The following SLC24A2 variants were observed in gnomAD, a reference collection of about 807,000 sequenced individuals.
The protein encoded by SLC24A2 is solute carrier family 24 member 2.
In SLC24A2, 36 loss-of-function variants were observed where a neutral mutation model predicts 62.0. That is an observed-to-expected ratio of 0.58 (90% CI 0.44 to 0.77). The LOEUF (loss-of-function observed/expected upper bound fraction) is 0.77, where lower values mean the gene tolerates loss of function less well. Among genes scored for constraint, SLC24A2 ranks in the 30% least tolerant of loss-of-function variants. The probability of loss-of-function intolerance (pLI) is 0.00; values close to 1 mark genes in which losing one functional copy is unlikely to be tolerated. For missense variants in SLC24A2, 846 were observed against 817.9 expected (o/e 1.03, Z -0.42); for synonymous variants, 358 against 294.0 (o/e 1.22, Z -2.23).
At chr9:19,518,197 A>G (rs1362327071) in intron 10 of SLC24A2, among the ~76,000 whole-genome samples, 1 of 152,228 alleles carries the variant, frequency 6.6e-6, no homozygotes, top group East Asian at 1.9e-4. Context: ...AACTAGTTAA[A>G]TAGTAAATAA....
At chr9:19,788,661 C>T (rs1823250980) in intron 1 of SLC24A2, 1 of 985,090 alleles carries the variant, frequency 1.0e-6, no homozygotes, top group African/African-American at 1.7e-5. Context: ...TGCCCCACGC[C>T]CCCCATCCCA....
the SLC24A2 span, among the ~76,000 whole-genome samples, chr9:19,980,842 G>A: frequency 6.6e-6 from 1 of 152,272 alleles, no homozygotes; most frequent in South Asian, 2.1e-4. Context: ...CATGTCATAA[G>A]TGCTTAACTA....
chr9:19,901,661 A>C, the SLC24A2 span, among the ~76,000 whole-genome samples: 3 of 152,202 alleles, frequency 2.0e-5, no homozygotes, highest in East Asian at 5.8e-4. Context: ...GTGGAGACTT[A>C]ATATTGTAGT....
At chr9:19,909,289 A>G in the SLC24A2 span, among the ~76,000 whole-genome samples, 2 of 152,018 alleles carry the variant, frequency 1.3e-5, no homozygotes, top group African/African-American at 4.8e-5. Flanking sequence ...CAATGAGAAC[A>G]CATGGACACA....
At chr9:19,726,997 A>G (rs1357809676) in intron 2 of SLC24A2, among the ~76,000 whole-genome samples, 1 of 152,210 alleles carries the variant, frequency 6.6e-6, no homozygotes, top group Non-Finnish European at 1.5e-5. Flanking sequence ...TGTGAAGTCA[A>G]TCCCAGATTT....
chr9:20,101,376 T>A, the SLC24A2 span, among the ~76,000 whole-genome samples: 1 of 152,368 alleles, frequency 6.6e-6, no homozygotes, highest in Non-Finnish European at 1.5e-5. Flanking sequence ...CATGAGAAGC[T>A]GCCATGAAAA....
chr9:19,977,757 A>G, the SLC24A2 span, among the ~76,000 whole-genome samples: 2 of 152,206 alleles, frequency 1.3e-5, no homozygotes, highest in African/African-American at 4.8e-5. Context: ...TGAGGGGTGC[A>G]TTTGAAGGTA....
At position 19,513,497 on chromosome 9, in the gene SLC24A2, G is replaced by C. The variant is rs1039252865; in HGVS notation, c.*2656C>G. The stretch of plus-strand genomic sequence containing the variant: ...ATGACTGATGTGGGAACGGGGCTTG[G>C]AAATTTTGTCTTCTCAAATGCAACT... On this transcript the variant is annotated 3_prime_UTR_variant, in exon 11 of 11. Transcript: ENST00000341998. 6.6e-6 allele frequency: 1 copy of C among 152,052 alleles called. No homozygotes were observed. The highest frequency in any genetic ancestry group is 2.4e-5 in the African/African-American group (1 of 41,390). The allele number at this position is 152,052 out of a possible 1,614,324, so 9.4% of individuals were successfully genotyped here. A position where few individuals can be genotyped will look rare whatever the true frequency, so the allele number is the denominator to read the frequency against.
chr9:19,742,003 A>T (rs929349162), intron 2 of SLC24A2, among the ~76,000 whole-genome samples: 6 of 152,214 alleles, frequency 3.9e-5, no homozygotes, highest in African/African-American at 1.2e-4. Flanking sequence ...GACAAAGTAT[A>T]TCTGAGCATA....
At chr9:19,656,403 C>G (rs1818943135) in intron 2 of SLC24A2, among the ~76,000 whole-genome samples, 1 of 152,146 alleles carries the variant, frequency 6.6e-6, no homozygotes, top group African/African-American at 2.4e-5. Flanking sequence ...CTTCAAAACT[C>G]TAGTATTATT....
intron 5 of SLC24A2, among the ~76,000 whole-genome samples, chr9:19,584,298 CAAAAA>C (rs1836300095): frequency 7.7e-6 from 1 of 130,296 alleles, no homozygotes. Flanking sequence ...AAAAAACAAA[CAAAAA>C]ACAAAACAAA....
At chr9:20,141,804 C>A in the SLC24A2 span, among the ~76,000 whole-genome samples, 1 of 152,098 alleles carries the variant, frequency 6.6e-6, no homozygotes, top group Non-Finnish European at 1.5e-5. Flanking sequence ...TTTAAAAAGG[C>A]GGGCCACGGT....
the SLC24A2 span, among the ~76,000 whole-genome samples, chr9:20,003,849 A>G: frequency 5.6e-4 from 85 of 152,216 alleles, 1 homozygote; most frequent in African/African-American, 2.0e-3. Flanking sequence ...ACTATCATTT[A>G]AATGGTGATT....
intron 7 of SLC24A2, among the ~76,000 whole-genome samples, chr9:19,559,962 G>A (rs775835047): frequency 1.3e-4 from 20 of 152,166 alleles, no homozygotes; most frequent in Non-Finnish European, 2.2e-4. Flanking sequence ...TGGTCTCACC[G>A]ACCCAAACAC....
chr9:19,787,735 T>A (rs1001714361), intron 1 of SLC24A2, among the ~76,000 whole-genome samples: 21 of 152,170 alleles, frequency 1.4e-4, no homozygotes, highest in South Asian at 8.3e-4. Flanking sequence ...ATATTTTTTT[T>A]AAAAAAACAA....
At chr9:20,223,726 G>A in the SLC24A2 span, among the ~76,000 whole-genome samples, 4 of 152,062 alleles carry the variant, frequency 2.6e-5, no homozygotes, top group Non-Finnish European at 4.4e-5. Flanking sequence ...AATTGGTAAG[G>A]ATAAGACAGA....
Position 19,509,429 on chromosome 9 carries a change from G to T in SLC24A2, c.*6724C>A, listed in dbSNP as rs1311299694. 6.6e-6 allele frequency: 1 copy of T among 152,006 alleles called. No homozygotes were observed. Among genetic ancestry groups the T allele is most frequent in the African/African-American group, 2.4e-5 (1 of 41,400 alleles). 9.4% of individuals were successfully genotyped at this position (152,006 alleles called of 1,614,324 possible). On this transcript the variant is annotated 3_prime_UTR_variant, in exon 11 of 11. Coordinates refer to ENST00000341998, the MANE Select transcript of SLC24A2 (RefSeq NM_020344.4). ...AATTTACAATAAACAATACAAAACA[G>T]GAATGACTCATGGACTGCTTATTGA... is the stretch of plus-strand genomic sequence containing the variant.
the SLC24A2 span, among the ~76,000 whole-genome samples, chr9:20,050,564 G>A: frequency 3.3e-5 from 5 of 152,170 alleles, no homozygotes; most frequent in African/African-American, 7.2e-5. Context: ...GAGAATCAGT[G>A]TTTAATGCTT....
the SLC24A2 span, among the ~76,000 whole-genome samples, chr9:20,187,042 G>C: frequency 2.0e-5 from 3 of 152,066 alleles, no homozygotes; most frequent in African/African-American, 7.2e-5. Flanking sequence ...AAGGCATTTT[G>C]AGGGAAAGCT....
Sources: allele counts gnomAD v4.1 joint callset (sites outside exome capture counted in the v4.1 genomes callset), GRCh38; gene constraint gnomAD v4.1.1; transcripts MANE v1.5; gene names NCBI Gene and HGNC (gene_info 2026-07-23, HGNC 2026-07-21).